Variants in NBEAL2 observed in about 807,000 individuals in gnomAD.
NBEAL2 encodes the protein neurobeachin like 2, also known as neurobeachin-like protein 2.
Under a neutral mutation model 299.8 loss-of-function variants are expected in NBEAL2, and 160 were observed. The ratio of observed to expected loss-of-function variants is 0.53; its 90% CI spans 0.47 to 0.61. NBEAL2 has a LOEUF of 0.61. NBEAL2 is among the 20% of genes least tolerant of loss of function. The probability of loss-of-function intolerance (pLI) is 0.00; values close to 1 mark genes in which losing one functional copy is unlikely to be tolerated. For missense variants in NBEAL2, 3,112 were observed against 3,649.0 expected (o/e 0.85, Z 3.79); for synonymous variants, 1,493 against 1,542.3 (o/e 0.97, Z 0.75).
chr3:47,008,153 C>T lies in NBEAL2; in HGVS notation c.7686C>T (p.Ser2562=), dbSNP rs2037598879. 1 of 1,613,894 alleles carries T rather than the reference C, an allele frequency of 6.2e-7. No individual in the cohort carries two copies. Among genetic ancestry groups the T allele is most frequent in the South Asian group, 1.1e-5 (1 of 91,088 alleles). The part of the protein sequence containing the change: ...HGAAVSCVAI[S]TELDMAVSGS... ...CTGCAGTGAGCTGTGTGGCCATCAGCACTGAACTTGACATGGCTGTGTCTG... is the reference window on the plus strand; with the variant it reads ...CTGCAGTGAGCTGTGTGGCCATCAGTACTGAACTTGACATGGCTGTGTCTG... Residue 2562 remains serine (S), a synonymous_variant, in exon 50 of 54, where the codon AGC becomes AGT. Transcript: ENST00000450053.
rs1478442957 is a variant in NBEAL2, at chr3:46,992,481, C to T, written c.1039C>T (p.Leu347=). 1.9e-6 allele frequency: 3 copies of T among 1,605,614 alleles called. No individual in the cohort carries two copies. The highest frequency in any genetic ancestry group is 2.5e-6 in the Non-Finnish European group (3 of 1,176,666). The change falls in exon 10 of 54, where the codon CTG becomes TTG. Residue 347 remains leucine (L), a synonymous_variant. Transcript: ENST00000450053. The stretch of plus-strand genomic sequence containing the variant: ...CCTCCCCACTTCCCCACAGCTGTAC[C>T]TGCAGTCCCGGGCGCCCCCCGAGGG... ...TRLIQNSKLY[L]QSRAPPEGDS... is the part of the protein sequence containing the mutation.
intron 1 of NBEAL2, among the ~76,000 whole-genome samples, chr3:46,984,556 C>G (rs7643868): frequency 0.94 from 143,742 of 152,288 alleles, 68,432 homozygotes; most frequent in East Asian, 1. Flanking sequence ...GGTGATGTAG[C>G]CAGAAGTCAC....
chr3:47,009,357 C>T lies in NBEAL2; in HGVS notation c.*37C>T, dbSNP rs886058607. ...CCGGCTGCTCGGGCCCCGCCCCCGG[C>T]AGGCCTGGCCCGGGAGGCCCCGCCC... On this transcript the variant is annotated 3_prime_UTR_variant, in exon 54 of 54. Transcript: ENST00000450053. 1.3e-6 allele frequency: 2 copies of T among 1,546,882 alleles called. No individual in the cohort carries two copies. Among genetic ancestry groups the T allele is most frequent in the South Asian group, 2.4e-5 (2 of 84,156 alleles).
In NBEAL2 at chr3:47,000,324, C is replaced by A. The variant is rs764218922; in HGVS notation, c.4225C>A (p.Leu1409Ile). ...PAAPGRHSSS[L>I]SNVLEDGSLP... ...TGCTCCTGGCCGCCACAGCTCCAGT[C>A]TCTCCAATGTGCTGGAGGACGGCAG... Residue 1409 changes from leucine to isoleucine, a missense_variant, in exon 27 of 54, where the codon CTC becomes ATC. Physicochemically the swap from Leu to Ile is conservative, Grantham distance 5 (BLOSUM62 2). This residue lies in a region of NBEAL2 where 2,243 missense variants were observed against 2,538.1 expected (regional missense o/e 0.88). Transcript: ENST00000450053. This position sits in a 1 kb window ranked among gnomAD's most constrained non-coding sequence, Gnocchi z 4.5. 1.9e-6 allele frequency: 3 copies of A among 1,611,248 alleles called. No individual in the cohort carries two copies. Among genetic ancestry groups the A allele is most frequent in the South Asian group, 1.1e-5 (1 of 91,034 alleles).
At position 47,001,433 on chromosome 3, in the gene NBEAL2, G is replaced by T. The variant is rs1408427230; in HGVS notation, c.4639G>T (p.Glu1547Ter). ...CCATGGTAACCAGGAACTGTGGAGT[G>T]AGAAGGTGCGACCCCTCAGAGAGGC... ...EGHGNQELWS[E>*]KLFEGVCSLL... Residue 1547 changes from glutamate to a stop codon, truncating the protein, a stop_gained, in exon 29 of 54, where the codon GAG becomes TAG. Coordinates refer to ENST00000450053, the MANE Select transcript of NBEAL2 (RefSeq NM_015175.3). LOFTEE classifies it high-confidence loss of function. This position sits in a 1 kb window ranked among gnomAD's most constrained non-coding sequence, Gnocchi z 6.1. 6.2e-7 allele frequency: 1 copy of T among 1,612,032 alleles called. No individual in the cohort carries two copies.
chr3:46,984,271 A>C (rs534971534), intron 1 of NBEAL2, among the ~76,000 whole-genome samples: 2 of 152,118 alleles, frequency 1.3e-5, no homozygotes, highest in South Asian at 4.1e-4. Flanking sequence ...GCGCCACTGC[A>C]CTCCAGCCTG....
In NBEAL2 at chr3:46,998,211, T is replaced by C. The variant is rs376706543; in HGVS notation, c.3103T>C (p.Phe1035Leu). The C allele has an allele frequency of 1.7e-5, 28 of 1,610,124 alleles. No individual in the cohort carries two copies. Among genetic ancestry groups the C allele is most frequent in the African/African-American group, 2.7e-5 (2 of 74,884 alleles). ...CTTTCACCTCTGGACCCTCAGTGAC[T>C]TCGCCGTGCGCCTCGGTAGGTGTGA... ...FNFHLWTLSD[F>L]AVRLGHIQYM... Residue 1035 changes from phenylalanine to leucine, a missense_variant, in exon 21 of 54, where the codon TTC (phenylalanine) becomes CTC (leucine). Phe to Leu is a conservative substitution (Grantham distance 22). Around this residue, in one of 3 missense-constraint regions of NBEAL2, gnomAD observed 2,243 missense variants for 2,538.1 expected, o/e 0.88. Coordinates refer to ENST00000450053, the MANE Select transcript of NBEAL2 (RefSeq NM_015175.3).
rs759408327 is a variant in NBEAL2 at position 46,979,895 on chromosome 3, C to T, written c.34C>T (p.Leu12=). 4.3e-6 allele frequency: 2 copies of T among 463,960 alleles called. No homozygotes were observed. Among genetic ancestry groups the T allele is most frequent in the African/African-American group, 2.0e-5 (1 of 49,028 alleles). 28.7% of individuals were successfully genotyped at this position (463,960 alleles called of 1,614,324 possible). The change falls in exon 1 of 54, where the codon CTG becomes TTG. Residue 12 remains leucine (L), a synonymous_variant. Transcript: ENST00000450053. Reference sequence around the variant, plus strand: ...CTCGGAGCGGCTGTACGAGTTGTGGCTGCTCTACTACGCGCAGGTGAGCCC... The same window carrying T: ...CTCGGAGCGGCTGTACGAGTTGTGGTTGCTCTACTACGCGCAGGTGAGCCC... The part of the protein sequence containing the change: ...AASERLYELW[L]LYYAQKDLGY...
rs1337718866 is a variant in NBEAL2 at position 47,006,182 on chromosome 3, C to T, written c.6937C>T (p.His2313Tyr). Residue 2313 changes from histidine to tyrosine, a missense_variant, in exon 44 of 54, where the codon CAT becomes TAT. Coordinates refer to ENST00000450053, the MANE Select transcript of NBEAL2 (RefSeq NM_015175.3). Reference sequence around the variant, plus strand: ...CTTCCCAGGGGCTGTAGACCTGGACCATGTGACAGATGAGCGGGAACGGAA... The same window carrying T: ...CTTCCCAGGGGCTGTAGACCTGGACTATGTGACAGATGAGCGGGAACGGAA... ...CTYEGAVDLD[H>Y]VTDERERKAL... 1.9e-6 allele frequency: 3 copies of T among 1,613,926 alleles called. No individual in the cohort carries two copies. Among genetic ancestry groups the T allele is most frequent in the Non-Finnish European group, 2.5e-6 (3 of 1,179,886 alleles).
At chr3:47,002,563 G>T in intron 32 of NBEAL2, 43 bp downstream of exon 32, 1 of 1,610,148 alleles carries the variant, frequency 6.2e-7, no homozygotes. Flanking sequence ...CTCCACACAT[G>T]CACCCAGGAG....
In NBEAL2 at chr3:47,003,263, C is replaced by T. The variant is rs747263618; in HGVS notation, c.5674C>T (p.Gln1892Ter). 1.9e-6 allele frequency: 3 copies of T among 1,613,066 alleles called. No homozygotes were observed. The highest frequency in any genetic ancestry group is 1.7e-5 in the Admixed American group (1 of 59,996). ...AGTGAGCACCCCACCCGAGTTGCTG[C>T]AGGAGGACCAGCTCGGCGAGGACGA... is the stretch of plus-strand genomic sequence containing the variant. Reference protein sequence around the residue: ...AKVSTPPELLQEDQLGEDELA... With the variant: ...AKVSTPPELL Residue 1892 changes from glutamine (Q) to a stop codon, truncating the protein, a stop_gained, in exon 35 of 54, where the codon CAG becomes TAG. Transcript: ENST00000450053. LOFTEE classifies it high-confidence loss of function. The surrounding 1 kb of genome is among the most constrained non-coding windows in gnomAD (Gnocchi z 7.0).
intron 10 of NBEAL2, 74 bp from the exon 11 acceptor site, chr3:46,993,862 CT>C: frequency 6.5e-6 from 9 of 1,389,734 alleles, no homozygotes; most frequent in Non-Finnish European, 9.0e-6. Context: ...GGCTCTGCAC[CT>C]TTTTTACTGC....
rs557022807 is a variant in NBEAL2, at chr3:47,000,371, C to T, written c.4272C>T (p.Ser1424=). 24 of 1,588,244 alleles carry T rather than the reference C, an allele frequency of 1.5e-5. No homozygotes were observed. Among genetic ancestry groups the T allele is most frequent in the Middle Eastern group, 1.7e-4 (1 of 5,936 alleles). ...EDGSLPEPTI[S]GDDTSNTSNP... is the part of the protein sequence containing the mutation. ...GCAGCCTCCCGGAGCCCACCATTAG[C>T]GGGGATGATACCTCGAACACCAGCA... The change falls in exon 27 of 54, where the codon AGC becomes AGT. Residue 1424 remains serine (S), a synonymous_variant. Coordinates refer to ENST00000450053, the MANE Select transcript of NBEAL2 (RefSeq NM_015175.3). This position sits in a 1 kb window ranked among gnomAD's most constrained non-coding sequence, Gnocchi z 4.5.
rs759150266 is a variant in NBEAL2 at position 47,003,306 on chromosome 3, C to A, written c.5717C>A (p.Thr1906Asn). ...GAGGACGAGCTGGCTGAGCTGGAGACCCCGTGAGTGGGGCCCTGGAGAGAT... is the reference window on the plus strand; with the variant it reads ...GAGGACGAGCTGGCTGAGCTGGAGAACCCGTGAGTGGGGCCCTGGAGAGAT... ...LGEDELAELETPMEAAELDEQ... is the reference protein window; with the variant it reads ...LGEDELAELENPMEAAELDEQ... Residue 1906 changes from threonine (T) to asparagine (N), a missense_variant, in exon 35 of 54, where the codon ACC (threonine) becomes AAC (asparagine). Thr to Asn is a moderately conservative substitution (Grantham distance 65, BLOSUM62 0). This residue lies in a region of NBEAL2 where 2,243 missense variants were observed against 2,538.1 expected (regional missense o/e 0.88). Transcript: ENST00000450053. The surrounding 1 kb of genome is among the most constrained non-coding windows in gnomAD (Gnocchi z 7.0). 1.2e-6 allele frequency: 2 copies of A among 1,612,178 alleles called. No homozygotes were observed. The highest frequency in any genetic ancestry group is 1.7e-5 in the Admixed American group (1 of 59,920).
At position 47,009,298 on chromosome 3, in the gene NBEAL2, A is replaced by C. The variant is rs1001207796; in HGVS notation, c.8243A>C (p.Tyr2748Ser). 1.9e-6 allele frequency: 3 copies of C among 1,600,454 alleles called. No individual in the cohort carries two copies. The African/African-American group carries it at 4.0e-5, about 21-fold the overall frequency. The change falls in exon 54 of 54, where the codon TAC (tyrosine) becomes TCC (serine). Residue 2748 changes from tyrosine (Y) to serine (S), a missense_variant. Physicochemically the swap from Tyr to Ser is moderately radical, Grantham distance 144. Transcript: ENST00000450053. The stretch of plus-strand genomic sequence containing the variant: ...CAGGTGTCCTCGGGAGAGACGGAAT[A>C]CAACCCTACTGAGGCGCGCTGAACC... ...ISQVSSGETE[Y>S]NPTEAR
rs200100160 is a variant in NBEAL2, at chr3:47,003,864, G to T, written c.5769G>T (p.Ser1923=). ...AGCAGCGTGAGAAGCTGGTGCTGTC[G>T]GCCGAGTGCCAGCTGGTGACGGTAG... ...LDEQREKLVL[S]AECQLVTVVA... is the part of the protein sequence containing the mutation. Residue 1923 remains serine, a synonymous_variant, in exon 36 of 54, where the codon TCG becomes TCT. Coordinates refer to ENST00000450053, the MANE Select transcript of NBEAL2 (RefSeq NM_015175.3). The surrounding 1 kb of genome is among the most constrained non-coding windows in gnomAD (Gnocchi z 7.0). 2 of 1,613,206 alleles carry T rather than the reference G, an allele frequency of 1.2e-6. No homozygotes were observed. Among genetic ancestry groups the T allele is most frequent in the South Asian group, 2.2e-5 (2 of 91,022 alleles).
intron 16 of NBEAL2, 65 bp downstream of exon 16, chr3:46,996,657 G>T (rs932361814): frequency 5.9e-6 from 9 of 1,525,258 alleles, no homozygotes; most frequent in African/African-American, 5.5e-5. Context: ...GGGGGAGAAG[G>T]CATCTCTGGG....
rs373998295 is a variant in NBEAL2 at position 46,998,195 on chromosome 3, C to T, written c.3087C>T (p.Leu1029=). 9 of 1,610,344 alleles carry T rather than the reference C, an allele frequency of 5.6e-6. No individual in the cohort carries two copies. Among genetic ancestry groups the T allele is most frequent in the Admixed American group, 1.7e-5 (1 of 59,636 alleles). ...AGCATTTGCTCTTCAACTTTCACCT[C>T]TGGACCCTCAGTGACTTCGCCGTGC... is the stretch of plus-strand genomic sequence containing the variant. ...LYQHLLFNFH[L]WTLSDFAVRL... is the part of the protein sequence containing the mutation. The change falls in exon 21 of 54, where the codon CTC becomes CTT. Residue 1029 remains leucine (L), a synonymous_variant. Transcript: ENST00000450053.
At position 46,996,559 on chromosome 3, in the gene NBEAL2, C is replaced by G; in HGVS notation, c.2440C>G (p.Gln814Glu). The G allele has an allele frequency of 2.6e-6, 4 of 1,539,878 alleles. No homozygotes were observed. Among genetic ancestry groups the G allele is most frequent in the Non-Finnish European group, 3.5e-6 (4 of 1,140,692 alleles). Residue 814 changes from glutamine to glutamate, a missense_variant, in exon 16 of 54, where the codon CAG becomes GAG. Gln to Glu is a conservative substitution (Grantham distance 29). Transcript: ENST00000450053. Reference sequence around the variant, plus strand: ...TGTGGCCATCTTTCACGAAGCCCTGCAGGCGACGGCTCTGAGGACCCTGTG... The same window carrying G: ...TGTGGCCATCTTTCACGAAGCCCTGGAGGCGACGGCTCTGAGGACCCTGTG... The part of the protein sequence containing the change: ...GAVAIFHEAL[Q>E]ATALRTLCTL...
Sources: allele counts gnomAD v4.1 joint callset (sites outside exome capture counted in the v4.1 genomes callset), GRCh38; gene constraint gnomAD v4.1.1; regional missense constraint gnomAD v4.1.1; non-coding constraint Gnocchi (gnomAD v3.1); transcripts MANE v1.5; gene names NCBI Gene and HGNC (gene_info 2026-07-23, HGNC 2026-07-21).